CTNNA2: variants seen among roughly 807,000 people sequenced by gnomAD.
CTNNA2 encodes catenin alpha 2.
A neutral mutation model predicts 101.0 loss-of-function variants in CTNNA2; 42 were observed. The observed-to-expected ratio is 0.42, with a 90% CI of 0.32 to 0.54. CTNNA2 has a LOEUF of 0.54. CTNNA2 is among the 20% of genes least tolerant of loss of function. CTNNA2 has a pLI of 0.14. For missense variants in CTNNA2, 871 were observed against 1,223.1 expected (o/e 0.71, Z 4.29); for synonymous variants, 450 against 456.4 (o/e 0.99, Z 0.18).
At chr2:79,990,891 G>A (rs1268619941) in intron 7 of CTNNA2, among the ~76,000 whole-genome samples, 9 of 152,140 alleles carry the variant, frequency 5.9e-5, no homozygotes, top group Non-Finnish European at 1.5e-5. Context: ...GAGTTTGGCT[G>A]TGAGTCCGTC....
At chr2:79,517,979 G>A (rs1161598922) in intron 1 of CTNNA2, among the ~76,000 whole-genome samples, 1 of 152,152 alleles carries the variant, frequency 6.6e-6, no homozygotes, top group Non-Finnish European at 1.5e-5. Context: ...GTGGAGTAAG[G>A]ATGAGACAGA....
chr2:80,380,325 C>T (rs573602015), intron 7 of CTNNA2, among the ~76,000 whole-genome samples: 23 of 152,142 alleles, frequency 1.5e-4, no homozygotes, highest in African/African-American at 5.3e-4. Context: ...CGTGAGCCAC[C>T]GCACCTGGCC....
chr2:80,331,076 T>G (rs922266379), intron 7 of CTNNA2, among the ~76,000 whole-genome samples: 2 of 151,616 alleles, frequency 1.3e-5, no homozygotes, highest in African/African-American at 2.4e-5. Context: ...CTTTCAGAAT[T>G]AGCAGTTTGT....
chr2:79,532,327 C>T (rs984995098), intron 1 of CTNNA2, among the ~76,000 whole-genome samples: 4 of 152,046 alleles, frequency 2.6e-5, no homozygotes, highest in Admixed American at 1.3e-4. Context: ...TTTGTGACGA[C>T]TCTGACCCCT....
intron 2 of CTNNA2, among the ~76,000 whole-genome samples, chr2:79,727,063 A>C (rs1363452755): frequency 1.3e-5 from 2 of 152,262 alleles, no homozygotes; most frequent in African/African-American, 4.8e-5. Flanking sequence ...CTTGCTTAGC[A>C]AACCCAAGAC....
intron 7 of CTNNA2, chr2:80,304,196 G>A (rs1042621456): frequency 5.7e-6 from 1 of 175,814 alleles, no homozygotes; most frequent in African/African-American, 2.4e-5. Context: ...CTCCCTTTGT[G>A]TGCAGGCTAA....
chr2:79,445,381 C>G (rs192065422), intron 4 of CTNNA2, among the ~76,000 whole-genome samples: 2 of 152,212 alleles, frequency 1.3e-5, no homozygotes, highest in African/African-American at 4.8e-5. Context: ...TGTTACATGG[C>G]CTAGGGCCAG....
intron 1 of CTNNA2, among the ~76,000 whole-genome samples, chr2:79,522,447 C>T (rs990819510): frequency 1.3e-5 from 2 of 152,204 alleles, no homozygotes; most frequent in Admixed American, 6.5e-5. Context: ...AATACCTGAA[C>T]AGTTTAATAC....
At chr2:80,191,456 A>G (rs1464897414) in intron 7 of CTNNA2, among the ~76,000 whole-genome samples, 3 of 152,186 alleles carry the variant, frequency 2.0e-5, no homozygotes, top group Non-Finnish European at 4.4e-5. Context: ...AAATCCTGTC[A>G]GGAGATTGAC....
At chr2:79,319,074 T>C (rs1340671333) in intron 3 of CTNNA2, among the ~76,000 whole-genome samples, 1 of 152,134 alleles carries the variant, frequency 6.6e-6, no homozygotes, top group Non-Finnish European at 1.5e-5. Flanking sequence ...TTTCTCCAAG[T>C]AGAGAGGAAG....
rs60132060 is a variant in CTNNA2, at chr2:80,596,279, G to GTTTTTTTTTTT, written c.2189+6832_2189+6842dup. ...AGTTTTTTTGGGCTGAGACAAGGTT[G>GTTTTTTTTTTT]TTTTTTTTTTTTTTTTTTTTTTTTT... On this transcript the variant is annotated intron_variant, in intron 15 of 18. Transcript: ENST00000402739. Among the ~76,000 whole-genome samples the GTTTTTTTTTTT allele has an allele frequency of 2.2e-3, 78 of 35,318 alleles. 28 individuals carry two copies. Among genetic ancestry groups the GTTTTTTTTTTT allele is most frequent in the Non-Finnish European group, 3.4e-3 (64 of 18,616 alleles). The allele number at this position is 35,318 out of a possible 152,430, so 23.2% of individuals were successfully genotyped here.
At chr2:79,500,538 A>G (rs918331001) in intron 4 of CTNNA2, 3 of 152,186 alleles carry the variant, frequency 2.0e-5, no homozygotes, top group Non-Finnish European at 2.9e-5. Flanking sequence ...TTTCTAAATC[A>G]TATTGGCTAC....
intron 1 of CTNNA2, among the ~76,000 whole-genome samples, chr2:79,564,085 G>A (rs948237180): frequency 7.9e-5 from 12 of 151,982 alleles, no homozygotes; most frequent in South Asian, 2.1e-4. Flanking sequence ...GTGGGTTTGC[G>A]TATCACCTAC....
chr2:79,426,337 G>A (rs1378652979), intron 4 of CTNNA2, among the ~76,000 whole-genome samples: 1 of 152,066 alleles, frequency 6.6e-6, no homozygotes, highest in Non-Finnish European at 1.5e-5. Context: ...TAATTCTAAA[G>A]GCAGTTCAAA....
At chr2:79,470,512 A>G (rs1290926900) in intron 4 of CTNNA2, among the ~76,000 whole-genome samples, 1 of 152,192 alleles carries the variant, frequency 6.6e-6, no homozygotes, top group Non-Finnish European at 1.5e-5. Context: ...TTAGCTTTAG[A>G]GTGTTGTGCA....
At chr2:79,867,791 A>G (rs191881621) in intron 4 of CTNNA2, among the ~76,000 whole-genome samples, 1 of 152,292 alleles carries the variant, frequency 6.6e-6, no homozygotes. Flanking sequence ...CAAATCCAGA[A>G]TTTAGCTCCC....
intron 3 of CTNNA2, among the ~76,000 whole-genome samples, chr2:79,807,988 G>A (rs1046768442): frequency 6.6e-6 from 1 of 152,220 alleles, no homozygotes; most frequent in African/African-American, 2.4e-5. Flanking sequence ...GCTACAATCA[G>A]CTGTCTTTAA....
chr2:79,187,889 G>T (rs1673802393), intron 1 of CTNNA2, among the ~76,000 whole-genome samples: 1 of 152,036 alleles, frequency 6.6e-6, no homozygotes, highest in African/African-American at 2.4e-5. Flanking sequence ...TGAGTTATTA[G>T]GAAGAAACAT....
chr2:79,545,594 A>G (rs570860288), intron 1 of CTNNA2, among the ~76,000 whole-genome samples: 1 of 152,214 alleles, frequency 6.6e-6, no homozygotes, highest in Non-Finnish European at 1.5e-5. Flanking sequence ...ATGAAAACAC[A>G]TTTGTGTAGT....
Sources: gnomAD v4.1 joint callset for allele counts (sites outside exome capture counted in the v4.1 genomes callset) on GRCh38, gnomAD v4.1.1 for gene constraint, MANE v1.5 for transcripts, NCBI Gene and HGNC (gene_info 2026-07-23, HGNC 2026-07-21) for gene names.